The following EXOC6 variants were observed in gnomAD, a reference collection of about 807,000 sequenced individuals.
EXOC6 encodes the protein SEC15-like 1.
In EXOC6, 60 loss-of-function variants were observed where a neutral mutation model predicts 112.5. The observed-to-expected ratio is 0.53, with a 90% CI of 0.43 to 0.66. The LOEUF (loss-of-function observed/expected upper bound fraction) is 0.66. Ranked by LOEUF, EXOC6 falls within the 30% of genes least tolerant of loss-of-function variation. The pLI is 0.00. For missense variants in EXOC6, 855 were observed against 957.1 expected (o/e 0.89, Z 1.41); for synonymous variants, 295 against 308.0 (o/e 0.96, Z 0.44).
At chr10:92,920,740 GT>G (rs1156403219) in intron 8 of EXOC6, among the ~76,000 whole-genome samples, 1 of 152,074 alleles carries the variant, frequency 6.6e-6, no homozygotes, top group Non-Finnish European at 1.5e-5. Flanking sequence ...AGTTTTGCCA[GT>G]TTTTTATTCA....
chr10:92,917,369 A>T, intron 7 of EXOC6, among the ~76,000 whole-genome samples: 1 of 151,776 alleles, frequency 6.6e-6, no homozygotes, highest in Non-Finnish European at 1.5e-5. Flanking sequence ...CTACCTATTT[A>T]AAAAATTGGT....
At chr10:92,935,984 A>G in intron 12 of EXOC6, 99 bp downstream of exon 12, 2 of 692,548 alleles carry the variant, frequency 2.9e-6, no homozygotes, top group Non-Finnish European at 4.8e-6. Flanking sequence ...AGTGGCAGTA[A>G]ATTAGTAGTA....
At chr10:92,955,904 G>T (rs1853670458) in intron 17 of EXOC6, among the ~76,000 whole-genome samples, 190 bp downstream of exon 17, 1 of 152,074 alleles carries the variant, frequency 6.6e-6, no homozygotes, top group Admixed American at 6.5e-5. Flanking sequence ...TTAACATGGA[G>T]AAAAGTATAC....
intron 5 of EXOC6, among the ~76,000 whole-genome samples, chr10:92,906,470 G>T (rs975266016): frequency 6.6e-6 from 1 of 152,098 alleles, no homozygotes; most frequent in Non-Finnish European, 1.5e-5. Flanking sequence ...TACTTTGTAG[G>T]CCAGAGAATC....
At chr10:92,990,541 G>C (rs1249992220) in intron 18 of EXOC6, among the ~76,000 whole-genome samples, 2 of 152,188 alleles carry the variant, frequency 1.3e-5, no homozygotes, top group East Asian at 3.9e-4. Flanking sequence ...AGACCTTAAT[G>C]AGAGTTACTT....
At chr10:92,851,486 A>G (rs927303389) in intron 1 of EXOC6, among the ~76,000 whole-genome samples, 1 of 151,732 alleles carries the variant, frequency 6.6e-6, no homozygotes, top group Non-Finnish European at 1.5e-5. Context: ...TCCCTACTAA[A>G]AATACAAAAA....
In EXOC6 at chr10:92,877,608, A is replaced by G. The variant is rs1005355427; in HGVS notation, c.102-15741A>G. Among the ~76,000 whole-genome samples the G allele has an allele frequency of 2.0e-5, 3 of 152,072 alleles. No individual in the cohort carries two copies. In the East Asian group the frequency reaches 5.8e-4, roughly 29 times the overall value. ...CTTTTGAGTGGGAATTGCCTTTTTC[A>G]ACTTCATGTTTTCTTTCTGATTCTT... is the stretch of plus-strand genomic sequence containing the variant. On this transcript the variant is annotated intron_variant, in intron 1 of 21. Coordinates refer to ENST00000260762, the MANE Select transcript of EXOC6 (RefSeq NM_019053.6).
At position 92,928,649 on chromosome 10, in the gene EXOC6, A is replaced by T. The variant is rs561951604; in HGVS notation, c.972+227A>T. 1.5e-3 allele frequency among the ~76,000 whole-genome samples: 212 copies of T among 137,706 alleles called. 1 individual carries two copies. Among genetic ancestry groups the T allele is most frequent in the Non-Finnish European group, 2.3e-3 (142 of 61,206 alleles). 90.3% of individuals were successfully genotyped at this position (137,706 alleles called of 152,430 possible). On this transcript the variant is annotated intron_variant, in intron 9 of 21. Transcript: ENST00000260762. ...ATTAGGAAAGATAGACAGCGAATTTAAAAAAAAAAAAAAGGACCAACAAGA... is the reference window on the plus strand; with the variant it reads ...ATTAGGAAAGATAGACAGCGAATTTTAAAAAAAAAAAAAGGACCAACAAGA...
intron 20 of EXOC6, among the ~76,000 whole-genome samples, chr10:93,018,327 C>T (rs1200797488): frequency 6.6e-6 from 1 of 151,776 alleles, no homozygotes; most frequent in Non-Finnish European, 1.5e-5. Context: ...TTACTAGAGG[C>T]ATAATAAAAT....
At chr10:92,979,264 A>G (rs938437591) in intron 18 of EXOC6, among the ~76,000 whole-genome samples, 11 of 152,084 alleles carry the variant, frequency 7.2e-5, no homozygotes, top group Admixed American at 2.0e-4. Flanking sequence ...GGTTCAAGCG[A>G]TTCTCCTCCC....
intron 1 of EXOC6, among the ~76,000 whole-genome samples, chr10:92,838,999 G>C (rs1368426666): frequency 1.3e-5 from 2 of 152,082 alleles, no homozygotes; most frequent in South Asian, 2.1e-4. Flanking sequence ...CTTGAACCTG[G>C]GAGGCGGAGG....
chr10:92,854,818 T>C (rs1213557388), intron 1 of EXOC6, among the ~76,000 whole-genome samples: 2 of 151,918 alleles, frequency 1.3e-5, no homozygotes, highest in African/African-American at 4.8e-5. Flanking sequence ...CTGTTTTTTG[T>C]GTGTGTGTGT....
chr10:93,058,173 T>TAA, intron 21 of EXOC6, 50 bp from the exon 22 acceptor site: 1 of 1,560,842 alleles, frequency 6.4e-7, no homozygotes, highest in Non-Finnish European at 8.7e-7. Flanking sequence ...TGTGACAGCT[T>TAA]AGCTTTTAAT....
chr10:92,947,837 G>A (rs537304465), intron 13 of EXOC6, among the ~76,000 whole-genome samples: 181 of 152,160 alleles, frequency 1.2e-3, no homozygotes, highest in African/African-American at 4.2e-3. Context: ...CTGGGAGATG[G>A]AGGTTGCAGT....
chr10:92,922,729 T>A (rs973029768), intron 8 of EXOC6, among the ~76,000 whole-genome samples: 3 of 152,234 alleles, frequency 2.0e-5, no homozygotes, highest in South Asian at 2.1e-4. Flanking sequence ...CCTAAGAGCT[T>A]CTCTGACTTT....
At chr10:92,920,312 A>G (rs1486996014) in intron 8 of EXOC6, among the ~76,000 whole-genome samples, 1 of 152,160 alleles carries the variant, frequency 6.6e-6, no homozygotes, top group Non-Finnish European at 1.5e-5. Flanking sequence ...TTGTTACATC[A>G]CAGTTCTTAT....
chr10:92,949,705 G>T (rs1181667539), intron 14 of EXOC6, among the ~76,000 whole-genome samples: 1 of 151,418 alleles, frequency 6.6e-6, no homozygotes, highest in Non-Finnish European at 1.5e-5. Context: ...TGATTCTCCT[G>T]CCTCAGCCTC....
At chr10:92,857,679 A>G (rs1342385700) in intron 1 of EXOC6, among the ~76,000 whole-genome samples, 1 of 152,194 alleles carries the variant, frequency 6.6e-6, no homozygotes, top group Non-Finnish European at 1.5e-5. Flanking sequence ...ACAATTATGT[A>G]CATGTAGTTT....
At chr10:92,873,707 G>A (rs1564791225) in intron 1 of EXOC6, among the ~76,000 whole-genome samples, 2 of 152,096 alleles carry the variant, frequency 1.3e-5, no homozygotes, top group Admixed American at 6.6e-5. Flanking sequence ...CACATAGAAC[G>A]TGAGTTTTAT....
Sources: allele counts gnomAD v4.1 joint callset (sites outside exome capture counted in the v4.1 genomes callset), GRCh38; gene constraint gnomAD v4.1.1; transcripts MANE v1.5; gene names NCBI Gene and HGNC (gene_info 2026-07-23, HGNC 2026-07-21).